PPFIBP2: variants seen among roughly 807,000 people sequenced by gnomAD.
PPFIBP2 encodes liprin-beta-2.
PPFIBP2 carries 118 observed loss-of-function variants against 118.3 expected under a neutral mutation model. The observed-to-expected ratio is 1.00, with a 90% CI of 0.86 to 1.16. PPFIBP2 has a LOEUF of 1.16. Among genes scored for constraint, PPFIBP2 ranks in the 50% most tolerant of loss-of-function variants. The pLI, the probability that PPFIBP2 is intolerant of heterozygous loss-of-function variation, is 0.00. For synonymous variants in PPFIBP2, 414 were observed against 397.4 expected (o/e 1.04, Z -0.50); for missense variants, 1,195 against 1,073.1 (o/e 1.11, Z -1.59).
intron 22 of PPFIBP2, chr11:7,651,371 C>T (rs1220319940): frequency 2.5e-6 from 1 of 399,908 alleles, no homozygotes; most frequent in Non-Finnish European, 4.5e-6. Context: ...AGTGTGGTGG[C>T]TTGGATGTCA....
intron 14 of PPFIBP2, among the ~76,000 whole-genome samples, chr11:7,636,802 A>T (rs1851514441): frequency 6.6e-6 from 1 of 152,176 alleles, no homozygotes; most frequent in Non-Finnish European, 1.5e-5. Context: ...AATCTTATAC[A>T]ACCTCAGTTA....
downstream of PPFIBP2, chr11:7,655,578 C>T (rs1854607826): frequency 8.9e-7 from 1 of 1,129,844 alleles, no homozygotes; most frequent in Non-Finnish European, 1.2e-6. Flanking sequence ...GTGTGGTATG[C>T]ACAAGGCCTG....
At chr11:7,655,774 C>T (rs916271077), downstream of PPFIBP2, among the ~76,000 whole-genome samples, 3 of 151,846 alleles carry the variant, frequency 2.0e-5, no homozygotes, top group African/African-American at 7.3e-5. Flanking sequence ...CTCAGGTCCT[C>T]TTCCCAGGCT....
intron 2 of PPFIBP2, among the ~76,000 whole-genome samples, chr11:7,561,566 CTG>C (rs1854301057): frequency 6.6e-5 from 10 of 152,082 alleles, no homozygotes; most frequent in Admixed American, 6.5e-4. Context: ...TAATCTTTGT[CTG>C]TCTAAATTTT....
chr11:7,624,538 A>G (rs534592341), intron 7 of PPFIBP2, among the ~76,000 whole-genome samples: 1 of 152,306 alleles, frequency 6.6e-6, no homozygotes, highest in Admixed American at 6.5e-5. Flanking sequence ...AGCCCATACT[A>G]TAACCTTGAG....
Position 7,649,645 on chromosome 11 carries a change from A to G in PPFIBP2, c.2112A>G (p.Pro704=), listed in dbSNP as rs1853675331. 6.2e-7 allele frequency: 1 copy of G among 1,614,252 alleles called. No homozygotes were observed. Among genetic ancestry groups the G allele is most frequent in the Non-Finnish European group, 8.5e-7 (1 of 1,180,040 alleles). ...ACCCCCACTGCCTGCACCGGCGGCC[A>G]GCTGATGAGGTGAGACCACAAATAG... ...KFNPHCLHRR[P]ADESNLSPSE... The change falls in exon 21 of 24, where the codon CCA becomes CCG. Residue 704 remains proline (P), a synonymous_variant. Coordinates refer to ENST00000299492, the MANE Select transcript of PPFIBP2 (RefSeq NM_003621.5).
At chr11:7,662,435 G>C in the PPFIBP2 span, among the ~76,000 whole-genome samples, 1 of 151,910 alleles carries the variant, frequency 6.6e-6, no homozygotes, top group Non-Finnish European at 1.5e-5. Flanking sequence ...GTGAAATTCT[G>C]GGTTGAAAAT....
At chr11:7,630,808 TTA>T in intron 10 of PPFIBP2, 115 bp from the exon 11 acceptor site, 2 of 766,122 alleles carry the variant, frequency 2.6e-6, no homozygotes, top group Non-Finnish European at 4.6e-6. Context: ...TACTGTCCCT[TTA>T]TATATTTCTT....
At chr11:7,662,516 C>T in the PPFIBP2 span, among the ~76,000 whole-genome samples, 44,973 of 150,028 alleles carry the variant, frequency 0.3, 8,206 homozygotes, top group Non-Finnish European at 0.4. Context: ...CTGAGAGATC[C>T]GCTGTTAGTC....
At chr11:7,664,778 C>T in the PPFIBP2 span, among the ~76,000 whole-genome samples, 2 of 152,132 alleles carry the variant, frequency 1.3e-5, no homozygotes, top group African/African-American at 4.8e-5. Flanking sequence ...AGACAGTGAA[C>T]AGGGGGATGG....
At chr11:7,665,964 G>C in the PPFIBP2 span, 1 of 1,517,958 alleles carries the variant, frequency 6.6e-7, no homozygotes, top group South Asian at 1.2e-5. Flanking sequence ...GGTACAGCCG[G>C]GAGCAGTGTG....
chr11:7,603,517 TTC>T (rs1180502031), intron 5 of PPFIBP2, among the ~76,000 whole-genome samples: 1 of 152,226 alleles, frequency 6.6e-6, no homozygotes, highest in African/African-American at 2.4e-5. Context: ...CACTCTTTCA[TTC>T]TGGTTTCAGG....
At chr11:7,556,476 T>C (rs924744105) in intron 2 of PPFIBP2, among the ~76,000 whole-genome samples, 1 of 152,210 alleles carries the variant, frequency 6.6e-6, no homozygotes, top group African/African-American at 2.4e-5. Context: ...TACTTGACTC[T>C]TAGAATGCTT....
At chr11:7,536,326 CA>C (rs1851213035) in intron 1 of PPFIBP2, among the ~76,000 whole-genome samples, 1 of 152,070 alleles carries the variant, frequency 6.6e-6, no homozygotes, top group African/African-American at 2.4e-5. Flanking sequence ...CTGGGGGTGT[CA>C]GAGAGCACGG....
chr11:7,549,580 A>G (rs1209749877), intron 2 of PPFIBP2, 41 bp downstream of exon 2: 1 of 1,475,490 alleles, frequency 6.8e-7, no homozygotes, highest in Non-Finnish European at 9.0e-7. Context: ...CTCATCCTCC[A>G]CATTCCAGGA....
intron 5 of PPFIBP2, among the ~76,000 whole-genome samples, chr11:7,603,156 G>A (rs555451829): frequency 1.1e-3 from 163 of 152,294 alleles, no homozygotes; most frequent in Non-Finnish European, 1.9e-3. Context: ...TCTGTCTGAG[G>A]TGGGTAAGAC....
Position 7,565,558 on chromosome 11 carries a change from A to G in PPFIBP2, c.70A>G (p.Lys24Glu), listed in dbSNP as rs921134775. 1.2e-6 allele frequency: 2 copies of G among 1,614,076 alleles called. No homozygotes were observed. The highest frequency in any genetic ancestry group is 1.3e-5 in the African/African-American group (1 of 74,928). The part of the protein sequence containing the change: ...EQMDGIIAGT[K>E]TGADLSDGTC... ...TCACCTCTCTCTCATTGCAGGCACT[A>G]AAACAGGTGCAGATCTTAGTGATGG... Residue 24 changes from lysine (K) to glutamate (E), a missense_variant, in exon 3 of 24, where the codon AAA becomes GAA. By Grantham distance (56) the Lys-to-Glu change is moderately conservative. Transcript: ENST00000299492.
rs1384029318 is a variant in PPFIBP2 at position 7,641,544 on chromosome 11, A to C, written c.1441A>C (p.Thr481Pro). Residue 481 changes from threonine (T) to proline (P), a missense_variant, in exon 16 of 24, where the codon ACT becomes CCT. Transcript: ENST00000299492. ...TGACCTCTCATCCACATCATCGGGC[A>C]CTGAATCAGGTCCTCAGTCTCCTCT... ...VNDLSSTSSG[T>P]ESGPQSPLTP... 1 of 1,613,766 alleles carries C rather than the reference A, an allele frequency of 6.2e-7. No homozygotes were observed. The highest frequency in any genetic ancestry group is 1.3e-5 in the African/African-American group (1 of 75,070).
chr11:7,632,474 T>G (rs1237438609), intron 11 of PPFIBP2: 1 of 162,680 alleles, frequency 6.1e-6, no homozygotes, highest in Non-Finnish European at 1.4e-5. Context: ...AGCAACAAAA[T>G]TTGGCTCTGG....
Sources: gnomAD v4.1 joint callset for allele counts (sites outside exome capture counted in the v4.1 genomes callset) on GRCh38, gnomAD v4.1.1 for gene constraint, MANE v1.5 for transcripts, NCBI Gene and HGNC (gene_info 2026-07-23, HGNC 2026-07-21) for gene names.